The following ADAMTS16 variants were observed in gnomAD, a reference collection of about 807,000 sequenced individuals.
ADAMTS16 encodes ADAM metallopeptidase with thrombospondin type 1 motif 16.
A neutral mutation model predicts 145.8 loss-of-function variants in ADAMTS16; 94 were observed. That is an observed-to-expected ratio of 0.64 (90% CI 0.55 to 0.77). The LOEUF (loss-of-function observed/expected upper bound fraction) is 0.77. Ranked by LOEUF, ADAMTS16 falls within the 30% of genes least tolerant of loss-of-function variation. ADAMTS16 has a pLI of 0.00. For synonymous variants in ADAMTS16, 659 were observed against 604.3 expected (o/e 1.09, Z -1.33); for missense variants, 1,585 against 1,591.5 (o/e 1.00, Z 0.07).
intron 11 of ADAMTS16, among the ~76,000 whole-genome samples, chr5:5,225,776 G>A (rs904639552): frequency 2.6e-5 from 4 of 152,220 alleles, no homozygotes; most frequent in Non-Finnish European, 4.4e-5. Flanking sequence ...ACATAGAGTA[G>A]AGGAAGCAGG....
intron 17 of ADAMTS16, among the ~76,000 whole-genome samples, chr5:5,261,797 C>A (rs922902995): frequency 6.6e-6 from 1 of 152,118 alleles, no homozygotes; most frequent in Non-Finnish European, 1.5e-5. Flanking sequence ...CTATTCTCAC[C>A]ATTTTTGAAT....
chr5:5,164,683 T>G (rs947041927), intron 3 of ADAMTS16, among the ~76,000 whole-genome samples: 7 of 152,140 alleles, frequency 4.6e-5, no homozygotes, highest in African/African-American at 7.2e-5. Flanking sequence ...TTTCCTTTTT[T>G]TCTTTTTTCT....
In ADAMTS16 at chr5:5,149,903, G is replaced by A. The variant is rs185211066; in HGVS notation, c.501+3448G>A. Among the ~76,000 whole-genome samples, 5 of 152,316 alleles carry A rather than the reference G, an allele frequency of 3.3e-5. No individual in the cohort carries two copies. In the East Asian group the frequency reaches 9.6e-4, roughly 29 times the overall value. ...TACTTTATCCTTTTTTATTGCTGAA[G>A]TATACCACATATTTTATTTACCTGT... is the stretch of plus-strand genomic sequence containing the variant. On this transcript the variant is annotated intron_variant, in intron 3 of 22. Coordinates refer to ENST00000274181, the MANE Select transcript of ADAMTS16 (RefSeq NM_139056.4).
chr5:5,252,039 C>T (rs1286605273), intron 17 of ADAMTS16, among the ~76,000 whole-genome samples: 5 of 152,126 alleles, frequency 3.3e-5, no homozygotes, highest in East Asian at 1.9e-4. Context: ...TTAGTAGAGA[C>T]GGGGTTTCAC....
At chr5:5,303,878 T>G in intron 20 of ADAMTS16, 112 bp downstream of exon 20, 1 of 1,275,428 alleles carries the variant, frequency 7.8e-7, no homozygotes, top group Non-Finnish European at 1.1e-6. Flanking sequence ...TTATATCTCT[T>G]CTTGGCTTCC....
chr5:5,204,465 CT>C (rs1736039117), intron 9 of ADAMTS16, among the ~76,000 whole-genome samples: 1 of 152,152 alleles, frequency 6.6e-6, no homozygotes, highest in South Asian at 2.1e-4. Flanking sequence ...ACTTTAGAAG[CT>C]GCTTCTCCCC....
intron 4 of ADAMTS16, among the ~76,000 whole-genome samples, chr5:5,184,892 G>A (rs1170813461): frequency 1.3e-5 from 2 of 152,070 alleles, no homozygotes; most frequent in Non-Finnish European, 2.9e-5. Flanking sequence ...TTTCCACCAG[G>A]GGTAATTAAG....
intron 3 of ADAMTS16, among the ~76,000 whole-genome samples, chr5:5,153,478 T>A (rs1734524736): frequency 6.6e-6 from 1 of 152,236 alleles, no homozygotes; most frequent in Non-Finnish European, 1.5e-5. Flanking sequence ...TATTTTTGGG[T>A]ATTAATAAAG....
chr5:5,243,425 T>C (rs1457839158), intron 17 of ADAMTS16, among the ~76,000 whole-genome samples: 2 of 152,188 alleles, frequency 1.3e-5, no homozygotes, highest in African/African-American at 4.8e-5. Flanking sequence ...TAGAAAGCAG[T>C]GGAACAGAAG....
intron 3 of ADAMTS16, among the ~76,000 whole-genome samples, chr5:5,175,473 G>A (rs1403269120): frequency 6.6e-6 from 1 of 152,162 alleles, no homozygotes; most frequent in Non-Finnish European, 1.5e-5. Context: ...CTGAAGCTGG[G>A]GGAGGGCTAA....
chr5:5,282,985 A>G (rs2126474713), intron 18 of ADAMTS16, among the ~76,000 whole-genome samples: 2 of 152,096 alleles, frequency 1.3e-5, no homozygotes, highest in South Asian at 4.2e-4. Context: ...ATTTTTATAG[A>G]GTAAAACATT....
At chr5:5,178,361 G>A (rs1357066058) in intron 3 of ADAMTS16, among the ~76,000 whole-genome samples, 3 of 152,156 alleles carry the variant, frequency 2.0e-5, no homozygotes, top group African/African-American at 7.2e-5. Flanking sequence ...CATTCCAGTG[G>A]TTACTGTGAG....
Position 5,222,896 on chromosome 5 carries a change from A to G in ADAMTS16, c.1701+12A>G. On this transcript the variant is annotated intron_variant, in intron 11 of 22. Coordinates refer to ENST00000274181, the MANE Select transcript of ADAMTS16 (RefSeq NM_139056.4). ...GTGGGCATGACATGGTAAGAAGCTA[A>G]CTGTAGGTACAGCATCGTATTCAGA... 1 of 1,612,108 alleles carries G rather than the reference A, an allele frequency of 6.2e-7. No homozygotes were observed. Among genetic ancestry groups the G allele is most frequent in the South Asian group, 1.1e-5 (1 of 91,036 alleles).
At chr5:5,304,076 G>A (rs1739917446) in intron 20 of ADAMTS16, among the ~76,000 whole-genome samples, 1 of 152,154 alleles carries the variant, frequency 6.6e-6, no homozygotes, top group South Asian at 2.1e-4. Context: ...CACTGACAGC[G>A]GGGCCCTGGA....
chr5:5,290,145 C>G (rs4398607), intron 18 of ADAMTS16, among the ~76,000 whole-genome samples: 148,261 of 152,346 alleles, frequency 0.97, 72,263 homozygotes, highest in East Asian at 1. Flanking sequence ...TTCAGGATAG[C>G]AAAATCTCCT....
intron 20 of ADAMTS16, among the ~76,000 whole-genome samples, chr5:5,306,133 G>C (rs142099635): frequency 1.3e-5 from 2 of 152,216 alleles, no homozygotes; most frequent in Non-Finnish European, 2.9e-5. Flanking sequence ...CTGCATTTGC[G>C]TGGGTTAATC....
chr5:5,280,679 A>T (rs1430700380), intron 18 of ADAMTS16, among the ~76,000 whole-genome samples: 2 of 152,202 alleles, frequency 1.3e-5, no homozygotes, highest in Non-Finnish European at 2.9e-5. Flanking sequence ...TGAGTAACGG[A>T]ATTCTATTGT....
intron 10 of ADAMTS16, among the ~76,000 whole-genome samples, chr5:5,219,894 A>G (rs79279266): frequency 0.029 from 4,436 of 152,292 alleles, 235 homozygotes; most frequent in African/African-American, 0.1. Context: ...AATGCTCCCC[A>G]AAACTAAAAC....
chr5:5,226,362 C>T (rs1285221320), intron 11 of ADAMTS16, among the ~76,000 whole-genome samples: 2 of 152,090 alleles, frequency 1.3e-5, no homozygotes, highest in Non-Finnish European at 2.9e-5. Flanking sequence ...GGGGAACTCT[C>T]ATGTATAAAA....
Sources: allele counts gnomAD v4.1 joint callset (sites outside exome capture counted in the v4.1 genomes callset), GRCh38; gene constraint gnomAD v4.1.1; transcripts MANE v1.5; gene names NCBI Gene and HGNC (gene_info 2026-07-23, HGNC 2026-07-21).